Variants in NALF1 observed in about 807,000 individuals in gnomAD.
NALF1 encodes the protein family with sequence similarity 155 member A.
In NALF1, 3 loss-of-function variants were observed where a neutral mutation model predicts 48.4. That is an observed-to-expected ratio of 0.06 (90% CI 0.03 to 0.16). The LOEUF is 0.16. NALF1 is among the 10% of genes least tolerant of loss of function. NALF1 has a pLI of 1.00. For synonymous variants in NALF1, 262 were observed against 245.7 expected (o/e 1.07, Z -0.62); for missense variants, 526 against 571.5 (o/e 0.92, Z 0.81).
intron 1 of NALF1, among the ~76,000 whole-genome samples, chr13:107,274,261 CAACTGT>C (rs1291950068): frequency 1.3e-5 from 2 of 151,978 alleles, no homozygotes; most frequent in Non-Finnish European, 2.9e-5. Flanking sequence ...TGTGGTAACG[CAACTGT>C]AACAGGATAA....
chr13:107,514,418 C>CCT (rs1875989625), intron 1 of NALF1, among the ~76,000 whole-genome samples: 2 of 80,006 alleles, frequency 2.5e-5, no homozygotes, highest in Non-Finnish European at 5.8e-5. Flanking sequence ...AGAAGCTTCT[C>CCT]CTATATCTAT....
intron 1 of NALF1, among the ~76,000 whole-genome samples, chr13:107,267,266 G>C (rs902027763): frequency 2.6e-5 from 4 of 152,176 alleles, no homozygotes; most frequent in African/African-American, 9.7e-5. Context: ...TACAGCCTAG[G>C]TGAGAATGTA....
At chr13:107,412,178 G>A (rs189597707) in intron 1 of NALF1, among the ~76,000 whole-genome samples, 9 of 152,146 alleles carry the variant, frequency 5.9e-5, no homozygotes, top group Admixed American at 5.9e-4. Context: ...AGTTTCCCAC[G>A]TGAACCTCAT....
Position 107,679,539 on chromosome 13 carries a change from C to T in NALF1, c.915+186143G>A, listed in dbSNP as rs1052614556. On this transcript the variant is annotated intron_variant, in intron 1 of 2. Transcript: ENST00000375915. Reference sequence around the variant, plus strand: ...TCATGATAAAGATTATAAAATGTAACTCCAATTCCTCTGAGTGGACATGGG... The same window carrying T: ...TCATGATAAAGATTATAAAATGTAATTCCAATTCCTCTGAGTGGACATGGG... 2.6e-5 allele frequency among the ~76,000 whole-genome samples: 4 copies of T among 152,216 alleles called. No homozygotes were observed. In the East Asian group the frequency reaches 5.8e-4, roughly 22 times the overall value.
intron 1 of NALF1, among the ~76,000 whole-genome samples, chr13:107,781,127 A>G (rs1877874531): frequency 6.6e-6 from 1 of 152,224 alleles, no homozygotes; most frequent in East Asian, 1.9e-4. Flanking sequence ...TTGTGCCAGG[A>G]GAAAACTAAT....
intron 1 of NALF1, among the ~76,000 whole-genome samples, chr13:107,365,384 G>C (rs1052897688): frequency 6.6e-6 from 1 of 152,044 alleles, no homozygotes; most frequent in Non-Finnish European, 1.5e-5. Flanking sequence ...GCTCTCTCCA[G>C]TGTACTTTTC....
At chr13:107,449,305 C>T (rs948166566) in intron 1 of NALF1, among the ~76,000 whole-genome samples, 1 of 151,846 alleles carries the variant, frequency 6.6e-6, no homozygotes, top group Non-Finnish European at 1.5e-5. Flanking sequence ...CAGGGGATGT[C>T]TTGGGTGGAG....
chr13:107,286,025 G>T (rs557334428), intron 1 of NALF1, among the ~76,000 whole-genome samples: 72 of 152,052 alleles, frequency 4.7e-4, no homozygotes, highest in Admixed American at 4.7e-3. Context: ...TCCCAAATTT[G>T]TTGAAATAAA....
chr13:107,467,318 A>ATGCTTTCAT (rs1180633304), intron 1 of NALF1, among the ~76,000 whole-genome samples: 1 of 81,716 alleles, frequency 1.2e-5, no homozygotes, highest in Non-Finnish European at 3.7e-5. Context: ...AAATAGATAT[A>ATGCTTTCAT]TACTTTCATT....
intron 1 of NALF1, among the ~76,000 whole-genome samples, chr13:107,776,868 A>T (rs1462847666): frequency 6.6e-6 from 1 of 152,176 alleles, no homozygotes; most frequent in Non-Finnish European, 1.5e-5. Flanking sequence ...AGGCAGGAGG[A>T]TCCCTTGAGA....
chr13:107,477,095 T>G (rs191492912), intron 1 of NALF1, among the ~76,000 whole-genome samples: 9 of 152,080 alleles, frequency 5.9e-5, no homozygotes. Context: ...TTCTGAAAAA[T>G]AGAAATTTGT....
At chr13:107,279,546 G>A (rs1005554763) in intron 1 of NALF1, among the ~76,000 whole-genome samples, 9 of 151,540 alleles carry the variant, frequency 5.9e-5, no homozygotes, top group Admixed American at 2.0e-4. Context: ...CTGAGCCACC[G>A]CACCCGGTGA....
At chr13:107,380,148 T>C (rs1883407762) in intron 1 of NALF1, among the ~76,000 whole-genome samples, 1 of 152,220 alleles carries the variant, frequency 6.6e-6, no homozygotes, top group African/African-American at 2.4e-5. Flanking sequence ...AGTACTAATT[T>C]GTTATTTCAT....
chr13:107,275,197 CT>C (rs1566471716), intron 1 of NALF1, among the ~76,000 whole-genome samples: 1 of 151,988 alleles, frequency 6.6e-6, no homozygotes, highest in African/African-American at 2.4e-5. Context: ...TTTTGATCTC[CT>C]TTTTTAAAGT....
At chr13:107,279,444 C>T (rs1881345963) in intron 1 of NALF1, among the ~76,000 whole-genome samples, 2 of 152,106 alleles carry the variant, frequency 1.3e-5, no homozygotes, top group African/African-American at 2.4e-5. Flanking sequence ...TTAGTAGAGA[C>T]AGGGTTTCAT....
chr13:107,294,942 G>A (rs773583959), intron 1 of NALF1, among the ~76,000 whole-genome samples: 1 of 152,128 alleles, frequency 6.6e-6, no homozygotes, highest in Non-Finnish European at 1.5e-5. Flanking sequence ...CTGAGCTTCT[G>A]ATGGGTTGGA....
chr13:107,211,327 C>G (rs1027442044), intron 1 of NALF1, among the ~76,000 whole-genome samples: 17 of 152,218 alleles, frequency 1.1e-4, no homozygotes. Flanking sequence ...TTAAAAATCT[C>G]ACTGTCTGAA....
intron 1 of NALF1, among the ~76,000 whole-genome samples, chr13:107,476,159 C>A (rs1257831573): frequency 2.6e-5 from 4 of 152,184 alleles, no homozygotes; most frequent in African/African-American, 9.6e-5. Flanking sequence ...AGGACAGCAT[C>A]TTTGGATTAC....
At chr13:107,373,758 G>A (rs191926074) in intron 1 of NALF1, among the ~76,000 whole-genome samples, 1 of 150,838 alleles carries the variant, frequency 6.6e-6, no homozygotes, top group African/African-American at 2.4e-5. Flanking sequence ...GTTTTTTTTG[G>A]GACCATGAGA....
Sources: gnomAD v4.1 joint callset for allele counts (sites outside exome capture counted in the v4.1 genomes callset) on GRCh38, gnomAD v4.1.1 for gene constraint, MANE v1.5 for transcripts, NCBI Gene and HGNC (gene_info 2026-07-23, HGNC 2026-07-21) for gene names.